Variants in KLK2 observed in about 807,000 individuals in gnomAD.
KLK2 encodes the protein kallikrein related peptidase 2.
In KLK2, 17 loss-of-function variants were observed where a neutral mutation model predicts 23.0. That is an observed-to-expected ratio of 0.74 (90% CI 0.51 to 1.11). KLK2 has a LOEUF of 1.11. KLK2 is among the 50% of genes least tolerant of loss of function. The pLI, the probability that KLK2 is intolerant of heterozygous loss-of-function variation, is 0.00. For missense variants in KLK2, 330 were observed against 325.9 expected, an observed-to-expected ratio of 1.01 and a Z score of -0.10; for synonymous variants, 140 against 124.7, an observed-to-expected ratio of 1.12 and a Z score of -0.82.
At chr19:50,875,092 C>T in intron 2 of KLK2, 1 of 882,210 alleles carries the variant, frequency 1.1e-6, no homozygotes, top group Non-Finnish European at 1.6e-6. Context: ...CTCGCTGTGT[C>T]TCTTGGTATC....
In KLK2 at chr19:50,878,452, A is replaced by G; in HGVS notation, c.679A>G (p.Thr227Ala). 1 of 1,614,056 alleles carries G rather than the reference A, an allele frequency of 6.2e-7. No individual in the cohort carries two copies. The highest frequency in any genetic ancestry group is 8.5e-7 in the Non-Finnish European group (1 of 1,179,936). The change falls in exon 5 of 5, where the codon ACA becomes GCA. Residue 227 changes from threonine to alanine, a missense_variant. By Grantham distance (58) the Thr-to-Ala change is moderately conservative. Coordinates refer to ENST00000325321, the MANE Select transcript of KLK2 (RefSeq NM_005551.5). Reference sequence around the variant, plus strand: ...CTGTAATGGTGTGCTTCAAGGTATCACATCATGGGGCCCTGAGCCATGTGC... The same window carrying G: ...CTGTAATGGTGTGCTTCAAGGTATCGCATCATGGGGCCCTGAGCCATGTGC... ...LVCNGVLQGI[T>A]SWGPEPCALP...
chr19:50,876,843 C>T, intron 3 of KLK2, 29 bp from the exon 4 acceptor site: 3 of 1,611,872 alleles, frequency 1.9e-6, no homozygotes, highest in Non-Finnish European at 2.5e-6. Context: ...TGGGGTCCGG[C>T]CACAGCCCAG....
intron 1 of KLK2, 176 bp from the exon 2 acceptor site, chr19:50,874,545 C>T (rs1036417809): frequency 5.5e-6 from 3 of 549,332 alleles, no homozygotes; most frequent in Non-Finnish European, 9.6e-6. Flanking sequence ...CAGCCACCAA[C>T]CCGCTAACGC....
chr19:50,878,000 C>T (rs991519003), intron 4 of KLK2, among the ~76,000 whole-genome samples: 1 of 152,244 alleles, frequency 6.6e-6, no homozygotes, highest in Middle Eastern at 3.4e-3. Context: ...GCCCTGCCCA[C>T]GGCCCTCCAT....
chr19:50,878,197 C>T (rs2090308790), intron 4 of KLK2, among the ~76,000 whole-genome samples: 1 of 152,164 alleles, frequency 6.6e-6, no homozygotes, highest in African/African-American at 2.4e-5. Flanking sequence ...AAGTCCCCTC[C>T]CCATAGGCCA....
chr19:50,876,811 G>A (rs2090293756), intron 3 of KLK2, 53 bp downstream of exon 3: 1 of 1,610,224 alleles, frequency 6.2e-7, no homozygotes, highest in South Asian at 1.1e-5. Context: ...GGGTCTGAGG[G>A]AAGTGGGGCC....
At chr19:50,878,264 G>A in intron 4 of KLK2, 140 bp from the exon 5 acceptor site, 1 of 811,868 alleles carries the variant, frequency 1.2e-6, no homozygotes, top group Non-Finnish European at 2.0e-6. Context: ...GTGGGAGTGG[G>A]TTCTGGAGAC....
intron 4 of KLK2, 113 bp downstream of exon 4, chr19:50,877,121 GC>G: frequency 7.1e-7 from 1 of 1,414,760 alleles, no homozygotes; most frequent in Non-Finnish European, 9.9e-7. Context: ...CCCAGCTATA[GC>G]CACGCCCCCT....
intron 1 of KLK2, 31 bp from the exon 2 acceptor site, chr19:50,874,690 T>C: frequency 6.3e-7 from 1 of 1,585,146 alleles, no homozygotes. Flanking sequence ...CTTTTGGGTC[T>C]GATCCCCCTG....
In KLK2 at chr19:50,878,497, G is replaced by GTAA; in HGVS notation, c.725_726insAAT (p.Val242_Tyr243insMet). ...ATGTGCCCTGCCTGAAAAGCCTGCT[G>GTAA]TGTACACCAAGGTGGTGCATTACCG... On this transcript the variant is annotated inframe_insertion, in exon 5 of 5. Coordinates refer to ENST00000325321, the MANE Select transcript of KLK2 (RefSeq NM_005551.5). 1 of 1,614,102 alleles carries GTAA rather than the reference G, an allele frequency of 6.2e-7. No individual in the cohort carries two copies. The highest frequency in any genetic ancestry group is 8.5e-7 in the Non-Finnish European group (1 of 1,179,968).
At chr19:50,877,580 AG>A in intron 4 of KLK2, 1 of 158,892 alleles carries the variant, frequency 6.3e-6, no homozygotes, top group Non-Finnish European at 1.4e-5. Flanking sequence ...AGGAGGAGCG[AG>A]GGGGCTGCAT....
chr19:50,874,605 C>G lies in KLK2; in HGVS notation c.47-116C>G, dbSNP rs527299479. On this transcript the variant is annotated intron_variant, in intron 1 of 4. Transcript: ENST00000325321. ...CCCTCCCAGGACCCCTTGCTTGTGT[C>G]CTGGACTCCCAGTCCTGGTCCTCTG... 6.2e-6 allele frequency: 5 copies of G among 804,476 alleles called. No individual in the cohort carries two copies. The East Asian group carries it at 8.2e-5, about 13-fold the overall frequency. 49.8% of individuals were successfully genotyped at this position (804,476 alleles called of 1,614,324 possible).
In KLK2 at chr19:50,878,301, A is replaced by T. The variant is rs944400629; in HGVS notation, c.631-103A>T. ...TTTCTGTCTGTTCCTGAGAGCTGGG[A>T]ATTGCTCTCAGTCATCTGCCTGCGC... On this transcript the variant is annotated intron_variant, in intron 4 of 4. Transcript: ENST00000325321. 4 of 1,101,404 alleles carry T rather than the reference A, an allele frequency of 3.6e-6. No individual in the cohort carries two copies. In the African/African-American group the frequency reaches 6.3e-5, roughly 17 times the overall value. 68.2% of individuals were successfully genotyped at this position (1,101,404 alleles called of 1,614,324 possible). A position where few individuals can be genotyped will look rare whatever the true frequency, so the allele number is the denominator to read the frequency against.
intron 4 of KLK2, chr19:50,877,566 C>T (rs1018744100): frequency 1.3e-4 from 21 of 158,658 alleles, no homozygotes; most frequent in Non-Finnish European, 1.8e-4. Flanking sequence ...GCCGGGAGGG[C>T]GTGAGGAGGA....
Position 50,878,800 on chromosome 19 carries a change from G to A in KLK2, c.*241G>A, listed in dbSNP as rs777671817. 1.7e-5 allele frequency: 7 copies of A among 409,578 alleles called. No homozygotes were observed. The highest frequency in any genetic ancestry group is 5.3e-5 in the South Asian group (1 of 18,870). The allele number at this position is 409,578 out of a possible 1,614,324, so 25.4% of individuals were successfully genotyped here. ...TGGGTATAATTTCGTCCTCTCCTTCGGAACACTGGCTGTCTCTGAAGACTT... is the reference window on the plus strand; with the variant it reads ...TGGGTATAATTTCGTCCTCTCCTTCAGAACACTGGCTGTCTCTGAAGACTT... On this transcript the variant is annotated 3_prime_UTR_variant, in exon 5 of 5. Transcript: ENST00000325321.
rs941129922 is a variant in KLK2, at chr19:50,874,551, A to G, written c.47-170A>G. On this transcript the variant is annotated intron_variant, in intron 1 of 4. Coordinates refer to ENST00000325321, the MANE Select transcript of KLK2 (RefSeq NM_005551.5). Reference sequence around the variant, plus strand: ...GACCTGGTCCAGCCACCAACCCGCTAACGCAGGGAATAGCTACAGAATTGC... The same window carrying G: ...GACCTGGTCCAGCCACCAACCCGCTGACGCAGGGAATAGCTACAGAATTGC... 2.2e-5 allele frequency: 12 copies of G among 556,946 alleles called. No individual in the cohort carries two copies. The Admixed American group carries it at 4.0e-4, about 19-fold the overall frequency. The allele number at this position is 556,946 out of a possible 1,614,324, so 34.5% of individuals were successfully genotyped here.
chr19:50,877,650 C>T, intron 4 of KLK2: 1 of 157,236 alleles, frequency 6.4e-6, no homozygotes, highest in Non-Finnish European at 1.4e-5. Context: ...GAAGAGAGGG[C>T]CCCTCCTGCA....
intron 2 of KLK2, 45 bp downstream of exon 2, chr19:50,874,925 C>T (rs1291762400): frequency 5.7e-6 from 9 of 1,592,462 alleles, no homozygotes; most frequent in Non-Finnish European, 7.7e-6. Context: ...CTGTGTCCCA[C>T]AGGAATAACA....
In KLK2 at chr19:50,879,093, C is replaced by T. The variant is rs2090318227; in HGVS notation, c.*534C>T. 1 of 233,124 alleles carries T rather than the reference C, an allele frequency of 4.3e-6. No homozygotes were observed. The highest frequency in any genetic ancestry group is 2.2e-5 in the African/African-American group (1 of 45,304). The allele number at this position is 233,124 out of a possible 1,614,324, so 14.4% of individuals were successfully genotyped here. A position where few individuals can be genotyped will look rare whatever the true frequency, so the allele number is the denominator to read the frequency against. On this transcript the variant is annotated 3_prime_UTR_variant, in exon 5 of 5. Coordinates refer to ENST00000325321, the MANE Select transcript of KLK2 (RefSeq NM_005551.5). ...GAGCAGAAAGAAGGGGAGGATCCTCCTATGTTGTTGAAGGAGGGACTAGGG... is the reference window on the plus strand; with the variant it reads ...GAGCAGAAAGAAGGGGAGGATCCTCTTATGTTGTTGAAGGAGGGACTAGGG...
Sources: allele counts gnomAD v4.1 joint callset (sites outside exome capture counted in the v4.1 genomes callset), GRCh38; gene constraint gnomAD v4.1.1; transcripts MANE v1.5; gene names NCBI Gene and HGNC (gene_info 2026-07-23, HGNC 2026-07-21).